SYT9: variants seen among roughly 807,000 people sequenced by gnomAD.
SYT9 encodes the protein synaptotagmin 9, also known as synaptotagmin-9.
A neutral mutation model predicts 48.4 loss-of-function variants in SYT9; 22 were observed. The ratio of observed to expected loss-of-function variants is 0.45; its 90% CI spans 0.32 to 0.65. The LOEUF is 0.65. SYT9 is among the 30% of genes least tolerant of loss of function. The pLI, the probability that SYT9 is intolerant of heterozygous loss-of-function variation, is 0.03. For missense variants in SYT9, 577 were observed against 622.0 expected (o/e 0.93, Z 0.77); for synonymous variants, 265 against 245.0 (o/e 1.08, Z -0.76).
intron 3 of SYT9, among the ~76,000 whole-genome samples, chr11:7,368,712 G>T (rs1850297712): frequency 6.6e-6 from 1 of 152,178 alleles, no homozygotes; most frequent in South Asian, 2.1e-4. Context: ...TTTTATGGCT[G>T]TGTAGTATTC....
rs989806143 is a variant in SYT9, at chr11:7,467,554, A to C, written c.*754A>C. 1 of 152,136 alleles carries C rather than the reference A, an allele frequency of 6.6e-6. No individual in the cohort carries two copies. Among genetic ancestry groups the C allele is most frequent in the African/African-American group, 2.4e-5 (1 of 41,416 alleles). The allele number at this position is 152,136 out of a possible 1,614,324, so 9.4% of individuals were successfully genotyped here. ...TAGCAGCCCCTTCCTTTCAACTGGG[A>C]GTGTTATTAGAATGAAAAGTAATTA... On this transcript the variant is annotated 3_prime_UTR_variant, in exon 7 of 7. Transcript: ENST00000318881.
rs146172763 is a variant in SYT9, at chr11:7,419,383, C to T, written c.1338-1123C>T. On this transcript the variant is annotated intron_variant, in intron 5 of 6. Coordinates refer to ENST00000318881, the MANE Select transcript of SYT9 (RefSeq NM_175733.4). ...AGAGACTCAAATATCCTTCACGTGA[C>T]CTCCCCACCCTCATCTCACCTTTAT... Among the ~76,000 whole-genome samples, 475 of 152,028 alleles carry T rather than the reference C, an allele frequency of 3.1e-3. 5 individuals carry two copies. The highest frequency in any genetic ancestry group is 0.011 in the African/African-American group (445 of 41,464).
chr11:7,380,702 G>A (rs1850544920), intron 3 of SYT9, among the ~76,000 whole-genome samples: 1 of 152,144 alleles, frequency 6.6e-6, no homozygotes, highest in Non-Finnish European at 1.5e-5. Context: ...TATGGCTGGT[G>A]CACATCCCTT....
intron 6 of SYT9, among the ~76,000 whole-genome samples, chr11:7,445,392 C>T (rs1430470272): frequency 2.0e-5 from 3 of 152,288 alleles, no homozygotes; most frequent in South Asian, 2.1e-4. Flanking sequence ...TTGGACTCCA[C>T]GGCTGCTCTC....
At chr11:7,394,406 G>A (rs989586012) in intron 3 of SYT9, among the ~76,000 whole-genome samples, 1 of 152,126 alleles carries the variant, frequency 6.6e-6, no homozygotes. Context: ...ATTGTGAATA[G>A]TGCCGTGATA....
intron 3 of SYT9, among the ~76,000 whole-genome samples, chr11:7,411,523 T>C (rs529969936): frequency 5.8e-4 from 88 of 152,338 alleles, no homozygotes; most frequent in Admixed American, 2.1e-3. Context: ...AGTGGCTTTT[T>C]TTCTTCACCA....
intron 3 of SYT9, among the ~76,000 whole-genome samples, chr11:7,411,202 A>T (rs1355531004): frequency 6.6e-6 from 1 of 152,032 alleles, no homozygotes; most frequent in Non-Finnish European, 1.5e-5. Flanking sequence ...CATGCTCTTA[A>T]TTGTTTTCTG....
chr11:7,372,905 T>C (rs1227028083), intron 3 of SYT9, among the ~76,000 whole-genome samples: 1 of 152,148 alleles, frequency 6.6e-6, no homozygotes, highest in Non-Finnish European at 1.5e-5. Flanking sequence ...AATATAATGA[T>C]AATGTTATTA....
intron 1 of SYT9, among the ~76,000 whole-genome samples, chr11:7,241,070 A>G (rs1469049406): frequency 6.6e-6 from 1 of 152,180 alleles, no homozygotes; most frequent in Non-Finnish European, 1.5e-5. Context: ...GAAAAAAACT[A>G]TATTTTTTGT....
chr11:7,344,058 T>C (rs1193531650), intron 3 of SYT9, among the ~76,000 whole-genome samples: 3 of 152,174 alleles, frequency 2.0e-5, no homozygotes, highest in Non-Finnish European at 4.4e-5. Flanking sequence ...CAATTCAAGA[T>C]GAGATTTGGG....
chr11:7,443,669 C>T (rs571849496), intron 6 of SYT9, among the ~76,000 whole-genome samples: 80 of 152,370 alleles, frequency 5.3e-4, no homozygotes, highest in African/African-American at 1.8e-3. Context: ...AGATGCAGAT[C>T]CTAATGTCCC....
chr11:7,454,915 A>C (rs78590475), intron 6 of SYT9, among the ~76,000 whole-genome samples: 3,032 of 152,326 alleles, frequency 0.02, 95 homozygotes, highest in African/African-American at 0.069. Context: ...CCCAATGCTA[A>C]CAGCATGGCT....
intron 6 of SYT9, among the ~76,000 whole-genome samples, chr11:7,426,137 C>T (rs1242353555): frequency 6.6e-6 from 1 of 152,108 alleles, no homozygotes; most frequent in Non-Finnish European, 1.5e-5. Flanking sequence ...GGAGTCTCCT[C>T]TCTCCTTCCT....
chr11:7,313,816 G>C lies in SYT9; in HGVS notation c.919G>C (p.Val307Leu). 6.2e-7 allele frequency: 1 copy of C among 1,614,214 alleles called. No homozygotes were observed. The highest frequency in any genetic ancestry group is 1.1e-5 in the South Asian group (1 of 91,082). ...DLEARKLHFS[V>L]YDFDRFSRHD... Reference sequence around the variant, plus strand: ...TGAAGCACGGAAGCTTCACTTCTCTGTGTACGACTTTGACAGGTTCTCTCG... The same window carrying C: ...TGAAGCACGGAAGCTTCACTTCTCTCTGTACGACTTTGACAGGTTCTCTCG... Residue 307 changes from valine (V) to leucine (L), a missense_variant, in exon 3 of 7, where the codon GTG becomes CTG. Transcript: ENST00000318881.
At chr11:7,335,257 CATCTATTT>C (rs150244678) in intron 3 of SYT9, among the ~76,000 whole-genome samples, 12,965 of 152,064 alleles carry the variant, frequency 0.085, 735 homozygotes, top group East Asian at 0.25. Flanking sequence ...GCTTATCTAC[CATCTATTT>C]ATCTTTTTTG....
intron 3 of SYT9, among the ~76,000 whole-genome samples, chr11:7,399,742 A>G (rs536138532): frequency 6.7e-6 from 1 of 149,528 alleles, no homozygotes; most frequent in East Asian, 1.9e-4. Flanking sequence ...TTGCATTGGG[A>G]TGTGCTAATG....
chr11:7,455,702 GAGAA>G (rs1178143571), intron 6 of SYT9, among the ~76,000 whole-genome samples: 1 of 152,112 alleles, frequency 6.6e-6, no homozygotes, highest in Non-Finnish European at 1.5e-5. Context: ...ATCACCATTG[GAGAA>G]AGAAAGGAGA....
At position 7,303,071 on chromosome 11, in the gene SYT9, A is replaced by G. The variant is rs1006187618; in HGVS notation, c.178A>G (p.Thr60Ala). 1.2e-6 allele frequency: 2 copies of G among 1,614,186 alleles called. No individual in the cohort carries two copies. The highest frequency in any genetic ancestry group is 2.2e-5 in the East Asian group (1 of 44,886). Reference sequence around the variant, plus strand: ...AGTGAGCCTGCTGACCCTTGTGGTCACTGCCTGTGGTCTCGCTCTCTTTGG... The same window carrying G: ...AGTGAGCCTGCTGACCCTTGTGGTCGCTGCCTGTGGTCTCGCTCTCTTTGG... Reference protein sequence around the residue: ...ISVSLLTLVVTACGLALFGVS... With the variant: ...ISVSLLTLVVAACGLALFGVS... The change falls in exon 2 of 7, where the codon ACT becomes GCT. Residue 60 changes from threonine to alanine, a missense_variant. Physicochemically the swap from Thr to Ala is moderately conservative, Grantham distance 58. Coordinates refer to ENST00000318881, the MANE Select transcript of SYT9 (RefSeq NM_175733.4).
At chr11:7,458,008 A>G (rs1290054283) in intron 6 of SYT9, 2 of 152,216 alleles carry the variant, frequency 1.3e-5, no homozygotes, top group Admixed American at 6.5e-5. Context: ...ATCACTTTGC[A>G]TAAGGAAATG....
Sources: gnomAD v4.1 joint callset for allele counts (sites outside exome capture counted in the v4.1 genomes callset) on GRCh38, gnomAD v4.1.1 for gene constraint, MANE v1.5 for transcripts, NCBI Gene and HGNC (gene_info 2026-07-23, HGNC 2026-07-21) for gene names.